SPATA17: variants seen among roughly 807,000 people sequenced by gnomAD.
SPATA17 encodes the protein spermatogenesis-associated protein 17.
Under a neutral mutation model 62.2 loss-of-function variants are expected in SPATA17, and 53 were observed. That is an observed-to-expected ratio of 0.85 (90% CI 0.68 to 1.07). The LOEUF (loss-of-function observed/expected upper bound fraction) is 1.07, where lower values mean the gene tolerates loss of function less well. Ranked by LOEUF, SPATA17 falls within the 50% of genes least tolerant of loss-of-function variation. The probability of loss-of-function intolerance (pLI) is 0.00; values close to 1 mark genes in which losing one functional copy is unlikely to be tolerated. For missense variants in SPATA17, 466 were observed against 425.5 expected, an observed-to-expected ratio of 1.10 and a Z score of -0.84; for synonymous variants, 146 against 146.8, an observed-to-expected ratio of 0.99 and a Z score of 0.04.
At chr1:217,809,265 G>C (rs1231341976) in intron 9 of SPATA17, among the ~76,000 whole-genome samples, 1 of 151,968 alleles carries the variant, frequency 6.6e-6, no homozygotes, top group Non-Finnish European at 1.5e-5. Flanking sequence ...GTAATTCCAA[G>C]GCATAAAGAA....
intron 6 of SPATA17, among the ~76,000 whole-genome samples, chr1:217,752,886 T>A (rs1398361625): frequency 6.6e-6 from 1 of 152,178 alleles, no homozygotes; most frequent in Non-Finnish European, 1.5e-5. Context: ...GTGGTAGGAA[T>A]ATTCCTGGGA....
At chr1:217,807,868 A>G (rs1674477268) in intron 9 of SPATA17, among the ~76,000 whole-genome samples, 1 of 152,200 alleles carries the variant, frequency 6.6e-6, no homozygotes, top group Admixed American at 6.5e-5. Flanking sequence ...GTAGGGAGAA[A>G]ATACAATTTC....
intron 9 of SPATA17, among the ~76,000 whole-genome samples, chr1:217,804,138 A>G (rs1413257898): frequency 6.6e-6 from 1 of 152,228 alleles, no homozygotes; most frequent in Non-Finnish European, 1.5e-5. Flanking sequence ...GCATCACACT[A>G]TCTGATTTCA....
intron 9 of SPATA17, among the ~76,000 whole-genome samples, chr1:217,847,118 C>T (rs193299184): frequency 2.0e-5 from 3 of 151,948 alleles, no homozygotes; most frequent in East Asian, 3.9e-4. Flanking sequence ...AGGCAACAAT[C>T]GTTTAAATTG....
intron 3 of SPATA17, among the ~76,000 whole-genome samples, chr1:217,663,433 GA>G (rs1198698060): frequency 2.1e-5 from 3 of 145,868 alleles, no homozygotes; most frequent in Non-Finnish European, 4.5e-5. Context: ...CAACAAGAGT[GA>G]AACTCCATCT....
chr1:217,770,707 A>C (rs1297368267), intron 6 of SPATA17, among the ~76,000 whole-genome samples: 1 of 152,178 alleles, frequency 6.6e-6, no homozygotes, highest in Non-Finnish European at 1.5e-5. Flanking sequence ...ATTTCTTTTC[A>C]AATCAATTGT....
At chr1:217,643,850 T>C (rs1389083229) in intron 1 of SPATA17, among the ~76,000 whole-genome samples, 1 of 151,986 alleles carries the variant, frequency 6.6e-6, no homozygotes, top group African/African-American at 2.4e-5. Context: ...TGCGTTAGCC[T>C]CCCAAGTAGC....
chr1:217,796,436 G>C (rs150143083), intron 8 of SPATA17, among the ~76,000 whole-genome samples: 32 of 152,106 alleles, frequency 2.1e-4, no homozygotes, highest in African/African-American at 7.5e-4. Context: ...AAAATGTAAG[G>C]AAAAGGGAAA....
intron 7 of SPATA17, chr1:217,781,205 T>C (rs1175004235): frequency 6.6e-6 from 1 of 152,190 alleles, no homozygotes; most frequent in East Asian, 1.9e-4. Flanking sequence ...AAATGAGGCG[T>C]GAATCATTTC....
chr1:217,701,716 T>C (rs1024367791), intron 5 of SPATA17, among the ~76,000 whole-genome samples: 3 of 152,142 alleles, frequency 2.0e-5, no homozygotes, highest in Non-Finnish European at 4.4e-5. Context: ...GTTTATTTCT[T>C]AGATTTGCCT....
intron 10 of SPATA17, among the ~76,000 whole-genome samples, chr1:217,865,427 C>T (rs1675989225): frequency 6.6e-6 from 1 of 152,136 alleles, no homozygotes; most frequent in South Asian, 2.1e-4. Context: ...CATTAATGCT[C>T]TAAGATTTAA....
chr1:217,784,686 G>A (rs1673815719), intron 8 of SPATA17, among the ~76,000 whole-genome samples: 3 of 152,118 alleles, frequency 2.0e-5, no homozygotes, highest in Admixed American at 2.0e-4. Flanking sequence ...TTATTAACAT[G>A]CTTTGTATTA....
intron 4 of SPATA17, among the ~76,000 whole-genome samples, chr1:217,676,156 G>A (rs979219851): frequency 6.6e-6 from 1 of 152,102 alleles, no homozygotes; most frequent in African/African-American, 2.4e-5. Flanking sequence ...GGCTCATGAC[G>A]AAAAACCTCA....
intron 6 of SPATA17, among the ~76,000 whole-genome samples, chr1:217,758,606 A>G (rs1444713535): frequency 6.6e-6 from 1 of 152,202 alleles, no homozygotes; most frequent in Non-Finnish European, 1.5e-5. Context: ...GCTCTCCTGC[A>G]TAGTTGAAAT....
At chr1:217,679,064 C>T (rs969487713) in intron 4 of SPATA17, among the ~76,000 whole-genome samples, 5 of 151,920 alleles carry the variant, frequency 3.3e-5, no homozygotes, top group South Asian at 2.1e-4. Flanking sequence ...AAATTTAAGA[C>T]GTCATTTGTT....
intron 6 of SPATA17, among the ~76,000 whole-genome samples, chr1:217,767,254 G>A (rs940749947): frequency 3.9e-5 from 6 of 152,156 alleles, no homozygotes; most frequent in African/African-American, 9.6e-5. Flanking sequence ...TGCTCTTAGG[G>A]TAAGGTGTTT....
intron 3 of SPATA17, among the ~76,000 whole-genome samples, chr1:217,663,935 T>A (rs1364863216): frequency 6.6e-6 from 1 of 152,118 alleles, no homozygotes; most frequent in African/African-American, 2.4e-5. Flanking sequence ...TTGTATATTG[T>A]ACATGAAAAT....
intron 9 of SPATA17, among the ~76,000 whole-genome samples, chr1:217,837,749 C>G (rs1184890301): frequency 6.6e-6 from 1 of 152,042 alleles, no homozygotes; most frequent in East Asian, 1.9e-4. Flanking sequence ...TGGGGGTGCT[C>G]ATAATCTATA....
rs182395410 is a variant in SPATA17 at position 217,836,362 on chromosome 1, A to C, written c.1006-26412A>C. On this transcript the variant is annotated intron_variant, in intron 9 of 10. Transcript: ENST00000366933. ...ACTTTTAATCATTTTGAAAATAAGA[A>C]AACAGCCTATATAGTTTCTAAAAGG... Among the ~76,000 whole-genome samples, 308 of 152,256 alleles carry C rather than the reference A, an allele frequency of 2.0e-3. 2 individuals are homozygous for C. The highest frequency in any genetic ancestry group is 3.4e-3 in the Middle Eastern group (1 of 294).
Sources: gnomAD v4.1 joint callset for allele counts (sites outside exome capture counted in the v4.1 genomes callset) on GRCh38, gnomAD v4.1.1 for gene constraint, MANE v1.5 for transcripts, NCBI Gene and HGNC (gene_info 2026-07-23, HGNC 2026-07-21) for gene names.